ADGRE1: variants seen among roughly 807,000 people sequenced by gnomAD.
ADGRE1 encodes the protein EGF-like module receptor 1.
In ADGRE1, 82 loss-of-function variants were observed where a neutral mutation model predicts 102.7. The observed-to-expected ratio is 0.80, with a 90% confidence interval of 0.67 to 0.96. The LOEUF (loss-of-function observed/expected upper bound fraction) is 0.96. Ranked by LOEUF, ADGRE1 falls within the 40% of genes least tolerant of loss-of-function variation. The probability of loss-of-function intolerance (pLI) is 0.00; values close to 1 mark genes in which losing one functional copy is unlikely to be tolerated. For missense variants in ADGRE1, 1,032 were observed against 1,085.3 expected (o/e 0.95, Z 0.69); for synonymous variants, 398 against 399.6 (o/e 1.00, Z 0.05).
chr19:6,922,412 G>A (rs1016221083), intron 14 of ADGRE1, among the ~76,000 whole-genome samples: 4 of 151,728 alleles, frequency 2.6e-5, no homozygotes, highest in African/African-American at 4.8e-5. Context: ...TCAAGAGATC[G>A]AGACCATCCT....
chr19:6,912,375 A>C (rs969073645), intron 10 of ADGRE1, among the ~76,000 whole-genome samples: 1 of 152,228 alleles, frequency 6.6e-6, no homozygotes, highest in African/African-American at 2.4e-5. Flanking sequence ...GCTAGATATG[A>C]GTCCTTGTTT....
chr19:6,908,537 T>C, intron 9 of ADGRE1, 152 bp from the exon 10 acceptor site: 1 of 578,320 alleles, frequency 1.7e-6, no homozygotes, highest in Non-Finnish European at 3.0e-6. Flanking sequence ...GATCAAGTAA[T>C]GAGTTTTAGT....
At chr19:6,922,614 A>T (rs558683694) in intron 14 of ADGRE1, among the ~76,000 whole-genome samples, 1,020 of 16,964 alleles carry the variant, frequency 0.06, 8 homozygotes, top group African/African-American at 0.14. Context: ...ACTCTGTCTC[A>T]CACACACACA....
chr19:6,902,312 C>G (rs1973792768), intron 6 of ADGRE1, among the ~76,000 whole-genome samples: 1 of 152,162 alleles, frequency 6.6e-6, no homozygotes, highest in Admixed American at 6.5e-5. Flanking sequence ...CCATAGCACC[C>G]ATGAACAAAC....
intron 2 of ADGRE1, among the ~76,000 whole-genome samples, chr19:6,892,796 T>G (rs1973428414): frequency 6.6e-6 from 1 of 152,180 alleles, no homozygotes; most frequent in South Asian, 2.1e-4. Flanking sequence ...AGAATGACAT[T>G]CCACAATTTG....
intron 10 of ADGRE1, among the ~76,000 whole-genome samples, chr19:6,913,075 G>A (rs1366238526): frequency 6.6e-6 from 1 of 152,130 alleles, no homozygotes; most frequent in Non-Finnish European, 1.5e-5. Context: ...GCTGGGACTA[G>A]CGTCATGCAC....
intron 17 of ADGRE1, chr19:6,928,628 C>CAA (rs59912462): frequency 4.9e-4 from 78 of 160,206 alleles, no homozygotes; most frequent in African/African-American, 1.8e-3. Flanking sequence ...AACTCCGTCT[C>CAA]AAAAAAAAAA....
chr19:6,912,565 C>T (rs1974244894), intron 10 of ADGRE1, among the ~76,000 whole-genome samples: 1 of 151,984 alleles, frequency 6.6e-6, no homozygotes. Flanking sequence ...TAAATTAAAC[C>T]AATTGTTTCT....
In ADGRE1 at chr19:6,933,202, C is replaced by A. The variant is rs577151556; in HGVS notation, c.2290-1785C>A. Among the ~76,000 whole-genome samples the A allele has an allele frequency of 3.3e-5, 5 of 152,202 alleles. No individual in the cohort carries two copies. In the South Asian group the frequency reaches 8.3e-4, roughly 25 times the overall value. ...CGCCATTGCACTCCAGCCTGGGAGA[C>A]AAGAGCGAGACTCCGTCTCAATAAT... On this transcript the variant is annotated intron_variant, in intron 17 of 20. Transcript: ENST00000312053.
chr19:6,911,387 T>C (rs1974172285), intron 10 of ADGRE1, among the ~76,000 whole-genome samples: 1 of 141,132 alleles, frequency 7.1e-6, no homozygotes. Context: ...TCCTTTTAGT[T>C]TTTTTTTTTT....
intron 10 of ADGRE1, among the ~76,000 whole-genome samples, chr19:6,912,581 A>T (rs1420018214): frequency 6.6e-6 from 1 of 152,244 alleles, no homozygotes; most frequent in African/African-American, 2.4e-5. Flanking sequence ...TTTCTAAACC[A>T]AATGCAATAC....
chr19:6,940,430 C>A lies in ADGRE1; in HGVS notation c.*401C>A. The A allele has an allele frequency of 4.6e-6, 1 of 215,186 alleles. No homozygotes were observed. The highest frequency in any genetic ancestry group is 9.3e-6 in the Non-Finnish European group (1 of 107,354). 13.3% of individuals were successfully genotyped at this position (215,186 alleles called of 1,614,324 possible). On this transcript the variant is annotated 3_prime_UTR_variant, in exon 21 of 21. Coordinates refer to ENST00000312053, the MANE Select transcript of ADGRE1 (RefSeq NM_001974.5). ...AACCTCTCAATAAATGATTTGTCGC[C>A]TGTCTGACTGATTTACCCTAGGATA...
intron 12 of ADGRE1, among the ~76,000 whole-genome samples, chr19:6,918,678 A>G (rs1024668978): frequency 3.9e-5 from 6 of 152,186 alleles, no homozygotes; most frequent in African/African-American, 1.4e-4. Context: ...TAAAAACACA[A>G]GTTCAAATTT....
Position 6,937,915 on chromosome 19 carries a change from A to G in ADGRE1, c.2655+267A>G, listed in dbSNP as rs183255360. Among the ~76,000 whole-genome samples the G allele has an allele frequency of 3.8e-3, 571 of 152,122 alleles. 16 individuals are homozygous for G. The highest frequency in any genetic ancestry group is 0.034 in the Admixed American group (525 of 15,272). ...CAGATTTACATAGATACATTTGTAT[A>G]TGAATTATGTAACATATTAAAAATA... On this transcript the variant is annotated intron_variant, in intron 20 of 20. Transcript: ENST00000312053.
rs898466880 is a variant in ADGRE1, at chr19:6,927,596, T to A, written c.2223-549T>A. On this transcript the variant is annotated intron_variant, in intron 16 of 20. Transcript: ENST00000312053. Reference sequence around the variant, plus strand: ...AGAGACAGGTTGCCCTATCTAAGGATAGTCAGGAGTGGCTTCTCAGAGGAG... The same window carrying A: ...AGAGACAGGTTGCCCTATCTAAGGAAAGTCAGGAGTGGCTTCTCAGAGGAG... 2.0e-5 allele frequency among the ~76,000 whole-genome samples: 3 copies of A among 152,300 alleles called. No homozygotes were observed. The South Asian group carries it at 6.2e-4, about 32-fold the overall frequency.
intron 5 of ADGRE1, among the ~76,000 whole-genome samples, chr19:6,899,536 C>T (rs551318329): frequency 1.1e-4 from 16 of 151,916 alleles, no homozygotes; most frequent in East Asian, 3.9e-4. Flanking sequence ...AAAAATTAGC[C>T]GGGCATGGTG....
At chr19:6,902,983 G>A (rs918841020) in intron 6 of ADGRE1, among the ~76,000 whole-genome samples, 2 of 152,212 alleles carry the variant, frequency 1.3e-5, no homozygotes, top group African/African-American at 4.8e-5. Context: ...GAGAATTCAA[G>A]GGCAAGCCAG....
At chr19:6,919,420 CT>C (rs1172530866) in intron 12 of ADGRE1, 127 bp from the exon 13 acceptor site, 6 of 597,006 alleles carry the variant, frequency 1.0e-5, no homozygotes, top group African/African-American at 9.9e-5. Flanking sequence ...CTCTCTCTCT[CT>C]CTCTCTCCCC....
At chr19:6,889,246 G>A (rs1419776328) in intron 1 of ADGRE1, among the ~76,000 whole-genome samples, 2 of 151,502 alleles carry the variant, frequency 1.3e-5, no homozygotes, top group African/African-American at 4.9e-5. Flanking sequence ...TAATGGTGAT[G>A]GTGATGATGA....
Sources: gnomAD v4.1 joint callset for allele counts (sites outside exome capture counted in the v4.1 genomes callset) on GRCh38, gnomAD v4.1.1 for gene constraint, MANE v1.5 for transcripts, NCBI Gene and HGNC (gene_info 2026-07-23, HGNC 2026-07-21) for gene names.